The following RBMS3 variants were observed in gnomAD, a reference collection of about 807,000 sequenced individuals.
RBMS3 encodes RNA-binding motif, single-stranded-interacting protein 3.
RBMS3 carries 27 observed loss-of-function variants against 66.8 expected under a neutral mutation model. The ratio of observed to expected loss-of-function variants is 0.40; its 90% CI spans 0.30 to 0.56. The LOEUF is 0.56. Among genes scored for constraint, RBMS3 ranks in the 20% least tolerant of loss-of-function variants. The probability of loss-of-function intolerance (pLI) is 0.40; values close to 1 mark genes in which losing one functional copy is unlikely to be tolerated. For missense variants in RBMS3, 513 were observed against 549.5 expected (o/e 0.93, Z 0.66); for synonymous variants, 188 against 183.0 (o/e 1.03, Z -0.22).
chr3:29,410,819 A>G (rs1199816609), intron 1 of RBMS3, among the ~76,000 whole-genome samples: 3 of 152,180 alleles, frequency 2.0e-5, no homozygotes, highest in Non-Finnish European at 4.4e-5. Context: ...GAGAGAACAT[A>G]CAATTTCAAA....
At chr3:29,347,188 A>G (rs1031601971) in intron 1 of RBMS3, among the ~76,000 whole-genome samples, 3 of 152,188 alleles carry the variant, frequency 2.0e-5, no homozygotes, top group Non-Finnish European at 4.4e-5. Context: ...CCTGTCATTT[A>G]TTTCATTTTC....
chr3:29,729,182 C>T (rs2054018437), intron 4 of RBMS3, among the ~76,000 whole-genome samples: 3 of 148,310 alleles, frequency 2.0e-5, no homozygotes, highest in East Asian at 2.0e-4. Flanking sequence ...TGATGTTGCC[C>T]GCCCTGTGTC....
At chr3:29,701,401 T>C (rs560328443) in intron 4 of RBMS3, among the ~76,000 whole-genome samples, 2 of 152,284 alleles carry the variant, frequency 1.3e-5, no homozygotes, top group South Asian at 2.1e-4. Context: ...TGGTGGCCCA[T>C]GGTGAGAGGT....
At chr3:29,479,506 G>A (rs1175756649) in intron 2 of RBMS3, among the ~76,000 whole-genome samples, 5 of 151,878 alleles carry the variant, frequency 3.3e-5, no homozygotes, top group Admixed American at 6.6e-5. Context: ...TCTCATGGGG[G>A]AATCAACAGA....
intron 4 of RBMS3, among the ~76,000 whole-genome samples, chr3:29,701,787 C>A (rs569807391): frequency 6.6e-6 from 1 of 152,096 alleles, no homozygotes; most frequent in African/African-American, 2.4e-5. Context: ...GAATTCTCAC[C>A]GGGCCTCAGC....
intron 2 of RBMS3, among the ~76,000 whole-genome samples, chr3:29,450,666 G>A (rs1296393096): frequency 1.3e-5 from 2 of 152,038 alleles, no homozygotes; most frequent in Non-Finnish European, 2.9e-5. Context: ...GTTTTTGAAT[G>A]CCTTATTCAT....
At chr3:29,426,899 C>A (rs1403451444) in intron 1 of RBMS3, among the ~76,000 whole-genome samples, 1 of 152,182 alleles carries the variant, frequency 6.6e-6, no homozygotes, top group African/African-American at 2.4e-5. Context: ...ACATTTGACA[C>A]ATAATTTATA....
At chr3:29,408,818 T>A (rs1006253126) in intron 1 of RBMS3, among the ~76,000 whole-genome samples, 1 of 152,210 alleles carries the variant, frequency 6.6e-6, no homozygotes, top group African/African-American at 2.4e-5. Context: ...GTGATGAGCC[T>A]GAGCTAGAGG....
At chr3:29,492,393 T>C (rs901758877) in intron 3 of RBMS3, among the ~76,000 whole-genome samples, 4 of 152,106 alleles carry the variant, frequency 2.6e-5, no homozygotes, top group Non-Finnish European at 5.9e-5. Flanking sequence ...AAGGGAATAA[T>C]AGGAGAAAGA....
chr3:29,637,391 G>A (rs1330024704), intron 4 of RBMS3, among the ~76,000 whole-genome samples: 5 of 151,772 alleles, frequency 3.3e-5, no homozygotes, highest in Admixed American at 2.6e-4. Flanking sequence ...ATTTGGTTAA[G>A]GTTGGTTAAA....
intron 3 of RBMS3, chr3:29,537,796 C>T (rs1034548994): frequency 1.4e-5 from 2 of 142,120 alleles, no homozygotes; most frequent in Admixed American, 1.5e-4. Context: ...GCACTCCAGC[C>T]TGTGGGAAAG....
At chr3:29,698,619 G>C (rs1450750930) in intron 4 of RBMS3, 2 of 984,540 alleles carry the variant, frequency 2.0e-6, no homozygotes, top group African/African-American at 1.7e-5. Flanking sequence ...CGAAGGACAA[G>C]TGAGTACAAT....
At chr3:29,439,270 G>A (rs1323787277) in intron 2 of RBMS3, among the ~76,000 whole-genome samples, 1 of 152,148 alleles carries the variant, frequency 6.6e-6, no homozygotes, top group Non-Finnish European at 1.5e-5. Flanking sequence ...GTCATAAACA[G>A]GAAGTTCGCA....
intron 3 of RBMS3, among the ~76,000 whole-genome samples, chr3:29,509,354 T>TA (rs1224206396): frequency 3.3e-5 from 5 of 152,228 alleles, no homozygotes; most frequent in African/African-American, 1.2e-4. Flanking sequence ...TTACTAATAA[T>TA]GACTAATATA....
intron 1 of RBMS3, among the ~76,000 whole-genome samples, chr3:29,398,714 T>C (rs1259061395): frequency 6.6e-6 from 1 of 152,114 alleles, no homozygotes; most frequent in Non-Finnish European, 1.5e-5. Context: ...TCTTAGTGCT[T>C]ACAAGATCCT....
intron 1 of RBMS3, among the ~76,000 whole-genome samples, chr3:29,427,762 A>C (rs2041017511): frequency 6.6e-6 from 1 of 152,116 alleles, no homozygotes; most frequent in East Asian, 1.9e-4. Context: ...CCATCAGCAG[A>C]ACAGACTGCT....
rs562677123 is a variant in RBMS3, at chr3:29,734,529, A to G, written c.400-5191A>G. 3.3e-5 allele frequency among the ~76,000 whole-genome samples: 5 copies of G among 152,246 alleles called. No individual in the cohort carries two copies. In the South Asian group the frequency reaches 1.0e-3, roughly 32 times the overall value. ...TTGCACCACATACATTTGTACAATT[A>G]TTACTGGCCAATTAAAAATGTTTTT... On this transcript the variant is annotated intron_variant, in intron 4 of 14. Transcript: ENST00000383767.
chr3:29,962,575 T>C (rs1286274518), intron 12 of RBMS3, among the ~76,000 whole-genome samples: 1 of 151,104 alleles, frequency 6.6e-6, no homozygotes, highest in African/African-American at 2.5e-5. Context: ...TATAATACCA[T>C]ACCAACAAGC....
chr3:29,829,007 TTTC>T (rs2058287556), intron 6 of RBMS3, among the ~76,000 whole-genome samples: 2 of 45,328 alleles, frequency 4.4e-5, no homozygotes, highest in Admixed American at 3.6e-4. Flanking sequence ...TCTTTCTTTC[TTTC>T]TTTCTTTCTT....
Sources: gnomAD v4.1 joint callset for allele counts (sites outside exome capture counted in the v4.1 genomes callset) on GRCh38, gnomAD v4.1.1 for gene constraint, MANE v1.5 for transcripts, NCBI Gene and HGNC (gene_info 2026-07-23, HGNC 2026-07-21) for gene names.